Variants in ALDH1A2 observed in about 807,000 individuals in gnomAD.
ALDH1A2 encodes the protein aldehyde dehydrogenase 1 family member A2, also known as retinal dehydrogenase 2.
Under a neutral mutation model 60.3 loss-of-function variants are expected in ALDH1A2, and 27 were observed. That is an observed-to-expected ratio of 0.45 (90% CI 0.33 to 0.62). The LOEUF (loss-of-function observed/expected upper bound fraction) is 0.62, where lower values mean the gene tolerates loss of function less well. ALDH1A2 is among the 20% of genes least tolerant of loss of function. The probability of loss-of-function intolerance (pLI) is 0.02; values close to 1 mark genes in which losing one functional copy is unlikely to be tolerated. For missense variants in ALDH1A2, 581 were observed against 643.8 expected (o/e 0.90, Z 1.06); for synonymous variants, 289 against 232.4 (o/e 1.24, Z -2.21).
chr15:58,036,594 G>A (rs1192927305), intron 1 of ALDH1A2: 3 of 151,510 alleles, frequency 2.0e-5, no homozygotes, highest in Non-Finnish European at 4.4e-5. Context: ...AAGAATACCT[G>A]AGCAGAAATT....
intron 4 of ALDH1A2, among the ~76,000 whole-genome samples, chr15:58,008,861 G>A (rs1477786328): frequency 1.3e-5 from 2 of 151,980 alleles, no homozygotes; most frequent in African/African-American, 2.4e-5. Flanking sequence ...TGCTCATAAC[G>A]AATAGTGACT....
At chr15:57,984,447 T>C (rs1894629560) in intron 7 of ALDH1A2, among the ~76,000 whole-genome samples, 1 of 152,232 alleles carries the variant, frequency 6.6e-6, no homozygotes, top group Non-Finnish European at 1.5e-5. Context: ...TTAACAGAGT[T>C]GTGCATCCAT....
At chr15:58,040,136 T>A (rs1436484572) in intron 1 of ALDH1A2, among the ~76,000 whole-genome samples, 1 of 151,916 alleles carries the variant, frequency 6.6e-6, no homozygotes, top group Non-Finnish European at 1.5e-5. Flanking sequence ...AGGCAATTTG[T>A]GTGTCTTAAA....
intron 1 of ALDH1A2, 145 bp downstream of exon 1, chr15:58,065,389 G>T: frequency 1.3e-6 from 1 of 793,622 alleles, no homozygotes; most frequent in South Asian, 1.4e-5. Context: ...AGACAGGCAG[G>T]GGGTCCCTCT....
chr15:57,987,687 T>G (rs901544793), intron 7 of ALDH1A2, among the ~76,000 whole-genome samples: 2 of 152,060 alleles, frequency 1.3e-5, no homozygotes, highest in African/African-American at 4.8e-5. Context: ...CAGACCATCC[T>G]GGCTAACATG....
At chr15:57,962,262 G>A in intron 9 of ALDH1A2, 86 bp from the exon 10 acceptor site, 1 of 1,533,932 alleles carries the variant, frequency 6.5e-7, no homozygotes, top group East Asian at 2.3e-5. Context: ...TTCATTTTAG[G>A]GTTTTTTTCA....
intron 7 of ALDH1A2, among the ~76,000 whole-genome samples, chr15:57,984,937 T>C (rs1360597737): frequency 1.3e-5 from 2 of 152,248 alleles, no homozygotes; most frequent in Admixed American, 1.3e-4. Flanking sequence ...TTTTTACATA[T>C]ATAAAACCAA....
intron 7 of ALDH1A2, chr15:57,980,534 A>T: frequency 7.4e-6 from 2 of 269,824 alleles, no homozygotes; most frequent in South Asian, 5.6e-5. Flanking sequence ...GAGTCCCTTG[A>T]TCCAGCTGTG....
At chr15:57,970,297 C>T (rs1228837684) in intron 7 of ALDH1A2, among the ~76,000 whole-genome samples, 1 of 152,200 alleles carries the variant, frequency 6.6e-6, no homozygotes, top group Non-Finnish European at 1.5e-5. Context: ...CCCTGCAGAG[C>T]CTCTCAGCTC....
chr15:57,997,911 G>A (rs566807302), intron 4 of ALDH1A2, among the ~76,000 whole-genome samples: 8 of 151,920 alleles, frequency 5.3e-5, no homozygotes, highest in Non-Finnish European at 8.8e-5. Context: ...AAAAATAAAC[G>A]CTATTTTTGT....
chr15:57,963,586 G>A (rs1441583519), intron 9 of ALDH1A2, among the ~76,000 whole-genome samples: 7 of 151,766 alleles, frequency 4.6e-5, no homozygotes, highest in African/African-American at 7.3e-5. Context: ...CTCATGATCC[G>A]CCCGCCTCGG....
intron 4 of ALDH1A2, among the ~76,000 whole-genome samples, chr15:57,995,340 C>A (rs1427457387): frequency 2.6e-5 from 4 of 151,588 alleles, no homozygotes; most frequent in African/African-American, 9.7e-5. Context: ...CTCTCAGACA[C>A]CCAAATGCAG....
At chr15:58,042,654 G>T (rs1896548326) in intron 1 of ALDH1A2, among the ~76,000 whole-genome samples, 1 of 151,744 alleles carries the variant, frequency 6.6e-6, no homozygotes, top group South Asian at 2.1e-4. Flanking sequence ...TATATTGTAG[G>T]CTTCCTACAT....
rs1361224225 is a variant in ALDH1A2 at position 58,065,590 on chromosome 15, C to T, written c.61G>A (p.Ala21Thr). The T allele has an allele frequency of 6.2e-7, 1 of 1,612,920 alleles. No individual in the cohort carries two copies. Among genetic ancestry groups the T allele is most frequent in the Non-Finnish European group, 8.5e-7 (1 of 1,179,376 alleles). The part of the protein sequence containing the change: ...EVKADPAALM[A>T]SLHLLPSPTP... ...GGCGACGGCAGGAGGTGCAGCGACGCCATGAGGGCGGCGGGGTCGGCCTTC... is the reference window on the plus strand; with the variant it reads ...GGCGACGGCAGGAGGTGCAGCGACGTCATGAGGGCGGCGGGGTCGGCCTTC... The change falls in exon 1 of 13, where the codon GCG becomes ACG. Residue 21 changes from alanine to threonine, a missense_variant. This residue lies in a region of ALDH1A2 where 206 missense variants were observed against 174.1 expected (regional missense o/e 1.18). Coordinates refer to ENST00000249750, the MANE Select transcript of ALDH1A2 (RefSeq NM_003888.4).
chr15:58,028,854 C>T (rs564447683), intron 1 of ALDH1A2, among the ~76,000 whole-genome samples: 1 of 152,248 alleles, frequency 6.6e-6, no homozygotes, highest in Admixed American at 6.5e-5. Context: ...AGCTAACTAT[C>T]CTAAACACAT....
rs1893471978 is a variant in ALDH1A2, at chr15:57,955,072, T to C, written c.*125A>G. 12 of 1,074,790 alleles carry C rather than the reference T, an allele frequency of 1.1e-5. No homozygotes were observed. The South Asian group carries it at 1.3e-4, about 11-fold the overall frequency. The allele number at this position is 1,074,790 out of a possible 1,614,324, so 66.6% of individuals were successfully genotyped here. ...TGTGCAGTGACCTGCCTGGCCTACA[T>C]GTTATCTTTTCAATCTTTAAGTAAG... On this transcript the variant is annotated 3_prime_UTR_variant, in exon 13 of 13. Coordinates refer to ENST00000249750, the MANE Select transcript of ALDH1A2 (RefSeq NM_003888.4).
intron 7 of ALDH1A2, among the ~76,000 whole-genome samples, chr15:57,983,932 T>C (rs1894606685): frequency 6.6e-6 from 1 of 152,202 alleles, no homozygotes; most frequent in Admixed American, 6.5e-5. Context: ...CAAATGGAAT[T>C]TAAAGAGGCT....
At chr15:58,018,145 T>C (rs769568110) in intron 1 of ALDH1A2, among the ~76,000 whole-genome samples, 2 of 152,216 alleles carry the variant, frequency 1.3e-5, no homozygotes, top group African/African-American at 2.4e-5. Flanking sequence ...GCCTGGAACA[T>C]TGTGGTGCCT....
chr15:58,060,930 T>C (rs1298884602), intron 1 of ALDH1A2, among the ~76,000 whole-genome samples: 1 of 152,232 alleles, frequency 6.6e-6, no homozygotes, highest in African/African-American at 2.4e-5. Context: ...GATTTTGTCA[T>C]GGTTAAATCA....
Sources: gnomAD v4.1 joint callset for allele counts (sites outside exome capture counted in the v4.1 genomes callset) on GRCh38, gnomAD v4.1.1 for gene constraint, gnomAD v4.1.1 regional missense constraint, MANE v1.5 for transcripts, NCBI Gene and HGNC (gene_info 2026-07-23, HGNC 2026-07-21) for gene names.